GPN3: variants seen among roughly 807,000 people sequenced by gnomAD.
The protein encoded by GPN3 is ATP-binding domain 1 family member C.
In GPN3, 31 loss-of-function variants were observed where a neutral mutation model predicts 38.7. The observed-to-expected ratio is 0.80, with a 90% CI of 0.60 to 1.08. The LOEUF is 1.08. Among genes scored for constraint, GPN3 ranks in the 50% least tolerant of loss-of-function variants. The pLI is 0.00. For missense variants in GPN3, 301 were observed against 354.4 expected (o/e 0.85, Z 1.21); for synonymous variants, 116 against 120.2 (o/e 0.96, Z 0.23).
In GPN3 at chr12:110,459,866, A is replaced by G; in HGVS notation, c.158-4T>C. 1.2e-6 allele frequency: 2 copies of G among 1,612,474 alleles called. No homozygotes were observed. The highest frequency in any genetic ancestry group is 4.5e-5 in the East Asian group (2 of 44,872). Reference sequence around the variant, plus strand: ...ACCTCGATCAGTTCCCGGATGTCTGAAAAGGACAGATAGGGCCCAGAATAT... The same window carrying G: ...ACCTCGATCAGTTCCCGGATGTCTGGAAAGGACAGATAGGGCCCAGAATAT... On this transcript the variant is annotated splice_region_variant and splice_polypyrimidine_tract_variant and intron_variant, in intron 2 of 7. Transcript: ENST00000228827.
chr12:110,454,355 GAA>G (rs1446515408), intron 6 of GPN3, among the ~76,000 whole-genome samples: 1 of 149,658 alleles, frequency 6.7e-6, no homozygotes, highest in Non-Finnish European at 1.5e-5. Flanking sequence ...AGGTGTTTAG[GAA>G]AAAAACCCAA....
chr12:110,468,472 C>T (rs1461610651), upstream of GPN3: 6 of 1,536,994 alleles, frequency 3.9e-6, no homozygotes, highest in African/African-American at 4.1e-5. Context: ...GCTTGGATAC[C>T]TGAGTAATAA....
chr12:110,460,992 C>T, intron 2 of GPN3: 1 of 1,469,864 alleles, frequency 6.8e-7, no homozygotes, highest in Non-Finnish European at 9.5e-7. Context: ...AGCAGAATGG[C>T]TCCTGCAAAG....
intron 4 of GPN3, among the ~76,000 whole-genome samples, chr12:110,457,216 C>A (rs2062556130): frequency 6.6e-6 from 1 of 151,570 alleles, no homozygotes; most frequent in Non-Finnish European, 1.5e-5. Context: ...GAGGCCAAGG[C>A]AGGTGGATCA....
chr12:110,466,303 A>G (rs1459024437), intron 1 of GPN3, among the ~76,000 whole-genome samples: 2 of 152,188 alleles, frequency 1.3e-5, no homozygotes, highest in Non-Finnish European at 2.9e-5. Flanking sequence ...CCAGGGCCCA[A>G]AACAGTGCCT....
intron 2 of GPN3, among the ~76,000 whole-genome samples, chr12:110,461,882 C>A (rs1474692696): frequency 6.6e-6 from 1 of 152,162 alleles, no homozygotes; most frequent in Admixed American, 6.6e-5. Context: ...CACTCTGCTG[C>A]CCAGGCTGGA....
At chr12:110,463,008 G>A (rs1445379964) in intron 2 of GPN3, among the ~76,000 whole-genome samples, 2 of 151,890 alleles carry the variant, frequency 1.3e-5, no homozygotes, top group African/African-American at 2.4e-5. Context: ...CGCCTGCCTC[G>A]GCCTCCCAAA....
At chr12:110,465,665 G>A (rs2062622368) in intron 1 of GPN3, among the ~76,000 whole-genome samples, 2 of 152,194 alleles carry the variant, frequency 1.3e-5, no homozygotes, top group Admixed American at 1.3e-4. Flanking sequence ...AACCTAAGGG[G>A]AAGAGCATTC....
intron 3 of GPN3, 135 bp from the exon 4 acceptor site, chr12:110,457,769 A>T: frequency 1.9e-6 from 1 of 528,256 alleles, no homozygotes; most frequent in Non-Finnish European, 3.3e-6. Context: ...AGCCTCTCAA[A>T]GCAATCATAA....
chr12:110,465,052 C>T lies in GPN3; in HGVS notation c.157+54G>A, dbSNP rs73417393. 230 of 911,398 alleles carry T rather than the reference C, an allele frequency of 2.5e-4. No homozygotes were observed. The African/African-American group carries it at 3.4e-3, about 13-fold the overall frequency. The allele number at this position is 911,398 out of a possible 1,614,324, so 56.5% of individuals were successfully genotyped here. On this transcript the variant is annotated intron_variant, in intron 2 of 7. Coordinates refer to ENST00000228827, the MANE Select transcript of GPN3 (RefSeq NM_016301.4). ...GTGCTAAGCAGCTAGTACTCACTGC[C>T]TCCCCAGCCCTTACTGTTCCTGAAG... is the stretch of plus-strand genomic sequence containing the variant.
In GPN3 at chr12:110,453,824, A is replaced by G. The variant is rs143906167; in HGVS notation, c.711T>C (p.Asp237=). 2.1e-5 allele frequency: 33 copies of G among 1,598,812 alleles called. No homozygotes were observed. Among genetic ancestry groups the G allele is most frequent in the Non-Finnish European group, 2.7e-5 (32 of 1,166,162 alleles). The part of the protein sequence containing the change: ...MVRFLPYDQS[D]EESMNIVLQH... ...GCAATACAATGTTCATGCTTTCTTC[A>G]TCTGACTGATCGTAAGGTAAAAATC... The change falls in exon 7 of 8, where the codon GAT becomes GAC. Residue 237 remains aspartate, a synonymous_variant. Coordinates refer to ENST00000228827, the MANE Select transcript of GPN3 (RefSeq NM_016301.4).
chr12:110,462,802 G>A (rs948504740), intron 2 of GPN3, among the ~76,000 whole-genome samples: 2 of 152,162 alleles, frequency 1.3e-5, no homozygotes, highest in South Asian at 2.1e-4. Context: ...TGTTGCCCAG[G>A]CTGGAGTTCA....
At chr12:110,455,289 AT>A (rs764947584) in intron 6 of GPN3, among the ~76,000 whole-genome samples, 2 of 147,902 alleles carry the variant, frequency 1.4e-5, no homozygotes, top group South Asian at 2.1e-4. Context: ...TGCCCAGCTA[AT>A]TTTTTTTTGT....
chr12:110,457,798 C>A lies in GPN3; in HGVS notation c.326-164G>T, dbSNP rs118078809. Among the ~76,000 whole-genome samples the A allele has an allele frequency of 1.2e-3, 178 of 152,266 alleles. 4 individuals are homozygous for A. The East Asian group carries it at 0.03, about 25-fold the overall frequency. ...ATCATAAAACCTAAGGTACTGCCAC[C>A]ATAGGAATCCCTAACTATTAAGTTT... On this transcript the variant is annotated intron_variant, in intron 3 of 7. Transcript: ENST00000228827.
chr12:110,459,628 T>C, intron 3 of GPN3, 67 bp downstream of exon 3: 1 of 1,065,594 alleles, frequency 9.4e-7, no homozygotes. Flanking sequence ...CTCACTCTCC[T>C]TTCTCCTACT....
chr12:110,456,916 C>T (rs769991845), intron 4 of GPN3, among the ~76,000 whole-genome samples: 7 of 151,786 alleles, frequency 4.6e-5, no homozygotes, highest in Non-Finnish European at 7.4e-5. Context: ...CAAGCAGGTC[C>T]GAAACTCTTG....
intron 6 of GPN3, 128 bp from the exon 7 acceptor site, chr12:110,453,999 G>A: frequency 6.4e-6 from 4 of 625,536 alleles, no homozygotes; most frequent in Non-Finnish European, 5.5e-6. Flanking sequence ...TACAGGAAGA[G>A]GAGGAGAAGG....
chr12:110,457,506 A>G lies in GPN3; in HGVS notation c.450+4T>C. The G allele has an allele frequency of 6.5e-7, 1 of 1,538,332 alleles. No homozygotes were observed. Among genetic ancestry groups the G allele is most frequent in the South Asian group, 1.2e-5 (1 of 83,220 alleles). Reference sequence around the variant, plus strand: ...AAAAATCTGTAAGAGATTTAGCTTCAGACCTTGAATGACTCCACCATGAAC... The same window carrying G: ...AAAAATCTGTAAGAGATTTAGCTTCGGACCTTGAATGACTCCACCATGAAC... On this transcript the variant is annotated splice_donor_region_variant and intron_variant, in intron 4 of 7. Coordinates refer to ENST00000228827, the MANE Select transcript of GPN3 (RefSeq NM_016301.4).
chr12:110,464,684 C>T (rs1007069997), intron 2 of GPN3: 2 of 166,840 alleles, frequency 1.2e-5, no homozygotes, highest in African/African-American at 4.8e-5. Flanking sequence ...CCTCTGTCTC[C>T]TGGGTTCAAG....
Sources: allele counts gnomAD v4.1 joint callset (sites outside exome capture counted in the v4.1 genomes callset), GRCh38; gene constraint gnomAD v4.1.1; transcripts MANE v1.5; gene names NCBI Gene and HGNC (gene_info 2026-07-23, HGNC 2026-07-21).